NAV3: variants seen among roughly 807,000 people sequenced by gnomAD.
The protein encoded by NAV3 is pore membrane and/or filament interacting like protein 1.
NAV3 carries 87 observed loss-of-function variants against 244.7 expected under a neutral mutation model. The observed-to-expected ratio is 0.36, with a 90% CI of 0.30 to 0.42. NAV3 has a LOEUF of 0.42. Among genes scored for constraint, NAV3 ranks in the 20% least tolerant of loss-of-function variants. The pLI is 1.00. For synonymous variants in NAV3, 1,126 were observed against 1,042.2 expected, an observed-to-expected ratio of 1.08 and a Z score of -1.55; for missense variants, 2,663 against 2,893.3, an observed-to-expected ratio of 0.92 and a Z score of 1.83.
chr12:77,738,008 C>T (rs1029621573), intron 2 of NAV3, among the ~76,000 whole-genome samples: 26 of 152,214 alleles, frequency 1.7e-4, no homozygotes, highest in Admixed American at 5.9e-4. Context: ...TCTGAATTTG[C>T]GCATCCTTCA....
intron 2 of NAV3, among the ~76,000 whole-genome samples, chr12:77,799,724 T>C (rs1165016053): frequency 1.3e-5 from 2 of 152,100 alleles, no homozygotes; most frequent in Admixed American, 1.3e-4. Flanking sequence ...AAGCAGATGG[T>C]GGTGATAGTT....
chr12:77,591,389 G>C (rs538848303), intron 2 of NAV3, among the ~76,000 whole-genome samples: 1 of 152,182 alleles, frequency 6.6e-6, no homozygotes, highest in Non-Finnish European at 1.5e-5. Context: ...GAAATTTATA[G>C]TATGAGAAAT....
At chr12:77,906,049 C>T (rs1007297795) in intron 1 of NAV3, among the ~76,000 whole-genome samples, 2 of 152,034 alleles carry the variant, frequency 1.3e-5, no homozygotes, top group African/African-American at 2.4e-5. Flanking sequence ...ATTTCTTCTC[C>T]CTGAAAATTG....
chr12:77,996,128 A>T (rs2731413), intron 6 of NAV3, among the ~76,000 whole-genome samples: 125,386 of 152,254 alleles, frequency 0.82, 51,793 homozygotes, highest in Admixed American at 0.87. Context: ...TTTCTGAAAC[A>T]GGTCAATTTG....
chr12:77,976,666 C>CTTTTTTTTTTTT (rs1295751885), intron 5 of NAV3, among the ~76,000 whole-genome samples: 13 of 58,058 alleles, frequency 2.2e-4, no homozygotes, highest in African/African-American at 7.2e-4. Context: ...TTCTTTCTTT[C>CTTTTTTTTTTTT]TTTTTTTCTT....
intron 3 of NAV3, among the ~76,000 whole-genome samples, chr12:77,946,619 G>T (rs903004717): frequency 1.1e-4 from 17 of 151,998 alleles, no homozygotes; most frequent in African/African-American, 4.1e-4. Context: ...GTAATTCCTA[G>T]GTGGGCGGCA....
At position 78,188,706 on chromosome 12, in the gene NAV3, T is replaced by A. The variant is rs2139853921; in HGVS notation, c.5984T>A (p.Leu1995Gln). The change falls in exon 33 of 40, where the codon CTA (leucine) becomes CAA (glutamine). Residue 1995 changes from leucine (L) to glutamine (Q), a missense_variant. Physicochemically the swap from Leu to Gln is moderately radical, Grantham distance 113. Transcript: ENST00000397909. ...CIGDLIRSHN[L>Q]EVPELLPCGY... Reference sequence around the variant, plus strand: ...GGAGACTTAATTAGATCCCATAACCTAGAAGTGCCTGAATTGCTGCCTTGT... The same window carrying A: ...GGAGACTTAATTAGATCCCATAACCAAGAAGTGCCTGAATTGCTGCCTTGT... 6.2e-7 allele frequency: 1 copy of A among 1,612,516 alleles called. No individual in the cohort carries two copies. Among genetic ancestry groups the A allele is most frequent in the Non-Finnish European group, 8.5e-7 (1 of 1,178,984 alleles).
At chr12:78,160,069 G>A (rs1006491246) in intron 23 of NAV3, among the ~76,000 whole-genome samples, 2 of 152,124 alleles carry the variant, frequency 1.3e-5, no homozygotes, top group African/African-American at 2.4e-5. Flanking sequence ...GGCCAATCCT[G>A]TGTAATTTTG....
At chr12:77,837,535 A>T (rs1170543323) in intron 1 of NAV3, among the ~76,000 whole-genome samples, 1 of 152,154 alleles carries the variant, frequency 6.6e-6, no homozygotes, top group East Asian at 1.9e-4. Context: ...CCCGTTTTAC[A>T]GATGGAGAAA....
chr12:77,584,376 A>G (rs1351752505), intron 2 of NAV3, among the ~76,000 whole-genome samples: 1 of 152,236 alleles, frequency 6.6e-6, no homozygotes, highest in Admixed American at 6.5e-5. Flanking sequence ...CAAAAAAGAT[A>G]AGCTAAACAC....
At chr12:77,749,655 A>T (rs1308647898) in intron 2 of NAV3, among the ~76,000 whole-genome samples, 1 of 152,222 alleles carries the variant, frequency 6.6e-6, no homozygotes, top group Non-Finnish European at 1.5e-5. Flanking sequence ...CAGAAATATG[A>T]AGTGCCTGCT....
intron 9 of NAV3, among the ~76,000 whole-genome samples, chr12:78,048,811 C>T (rs1045539066): frequency 3.0e-4 from 45 of 152,328 alleles, no homozygotes; most frequent in Admixed American, 1.8e-3. Context: ...GCTGAGCCTG[C>T]GCCCACAGCC....
At chr12:77,754,587 T>G (rs1412880877) in intron 2 of NAV3, among the ~76,000 whole-genome samples, 2 of 152,222 alleles carry the variant, frequency 1.3e-5, no homozygotes, top group Non-Finnish European at 1.5e-5. Flanking sequence ...CGTTAAAACT[T>G]GGACAGCTGC....
At chr12:78,035,878 A>G (rs1193261293) in intron 9 of NAV3, among the ~76,000 whole-genome samples, 2 of 152,118 alleles carry the variant, frequency 1.3e-5, no homozygotes, top group African/African-American at 2.4e-5. Flanking sequence ...GGAGAGTGTC[A>G]TGCTTCATTT....
intron 12 of NAV3, among the ~76,000 whole-genome samples, chr12:78,066,750 A>G (rs939545234): frequency 1.3e-5 from 2 of 152,092 alleles, no homozygotes; most frequent in African/African-American, 2.4e-5. Context: ...TTTGTATTGT[A>G]CTACTTGATG....
intron 2 of NAV3, among the ~76,000 whole-genome samples, chr12:77,628,654 C>G (rs1239633586): frequency 6.6e-6 from 1 of 151,950 alleles, no homozygotes; most frequent in Non-Finnish European, 1.5e-5. Context: ...GAGGTCAAGG[C>G]AGGCGAATTG....
At chr12:77,621,482 T>C in intron 2 of NAV3, among the ~76,000 whole-genome samples, 1 of 150,734 alleles carries the variant, frequency 6.6e-6, no homozygotes, top group Non-Finnish European at 1.5e-5. Context: ...CTTCTCTTTT[T>C]TTTTTTTTTT....
At chr12:77,658,641 G>A (rs1287428204) in intron 2 of NAV3, among the ~76,000 whole-genome samples, 5 of 152,128 alleles carry the variant, frequency 3.3e-5, no homozygotes, top group South Asian at 2.1e-4. Flanking sequence ...AAAGGAGCCC[G>A]CATTGCCAAG....
intron 2 of NAV3, among the ~76,000 whole-genome samples, chr12:77,688,181 T>C (rs956870009): frequency 4.6e-5 from 7 of 151,786 alleles, no homozygotes; most frequent in Non-Finnish European, 7.4e-5. Flanking sequence ...TACCGAAAAG[T>C]TAAAAAAAAA....
Sources: allele counts gnomAD v4.1 joint callset (sites outside exome capture counted in the v4.1 genomes callset), GRCh38; gene constraint gnomAD v4.1.1; transcripts MANE v1.5; gene names NCBI Gene and HGNC (gene_info 2026-07-23, HGNC 2026-07-21).